Variants in RPTOR observed in about 807,000 individuals in gnomAD.
RPTOR encodes regulatory associated protein of MTOR complex 1, also known as regulatory-associated protein of mTOR.
Under a neutral mutation model 169.9 loss-of-function variants are expected in RPTOR, and 21 were observed. That is an observed-to-expected ratio of 0.12 (90% CI 0.09 to 0.18). The LOEUF (loss-of-function observed/expected upper bound fraction) is 0.18, where lower values mean the gene tolerates loss of function less well. Among genes scored for constraint, RPTOR ranks in the 10% least tolerant of loss-of-function variants. RPTOR has a pLI of 1.00. For synonymous variants in RPTOR, 732 were observed against 753.2 expected, an observed-to-expected ratio of 0.97 and a Z score of 0.46; for missense variants, 1,133 against 1,855.9, an observed-to-expected ratio of 0.61 and a Z score of 7.16.
chr17:80,593,831 A>T (rs1312506793), intron 1 of RPTOR: 1 of 152,210 alleles, frequency 6.6e-6, no homozygotes, highest in African/African-American at 2.4e-5. Context: ...TTTTATTGTT[A>T]ATTTGAAATG....
intron 4 of RPTOR, among the ~76,000 whole-genome samples, chr17:80,709,436 C>A (rs1022430633): frequency 1.3e-5 from 2 of 152,164 alleles, no homozygotes; most frequent in African/African-American, 4.8e-5. Context: ...ACGGCGAATC[C>A]GGGAGATCGC....
intron 3 of RPTOR, among the ~76,000 whole-genome samples, chr17:80,665,425 T>G (rs1361552121): frequency 0.013 from 167 of 13,108 alleles, 18 homozygotes; most frequent in African/African-American, 0.094. Context: ...TTCCTTTCCT[T>G]TCCTTTCCTT....
chr17:80,702,636 A>G (rs1483105547), intron 3 of RPTOR, among the ~76,000 whole-genome samples: 1 of 152,224 alleles, frequency 6.6e-6, no homozygotes, highest in Admixed American at 6.5e-5. Flanking sequence ...GGCGCCTTTC[A>G]TGCTAGTCCA....
At chr17:80,720,809 G>A (rs969048601) in intron 4 of RPTOR, among the ~76,000 whole-genome samples, 2 of 151,592 alleles carry the variant, frequency 1.3e-5, no homozygotes, top group Non-Finnish European at 2.9e-5. Context: ...GGGGCCTGAC[G>A]ATTTGGCTTT....
At chr17:80,736,166 A>G (rs928952060) in intron 5 of RPTOR, among the ~76,000 whole-genome samples, 3 of 150,164 alleles carry the variant, frequency 2.0e-5, no homozygotes, top group African/African-American at 7.3e-5. Flanking sequence ...GTGAGACCCC[A>G]TCTCTTAAAA....
chr17:80,961,321 C>T (rs2069337835), intron 30 of RPTOR, 73 bp from the exon 31 acceptor site: 1 of 1,421,312 alleles, frequency 7.0e-7, no homozygotes, highest in Non-Finnish European at 9.5e-7. Flanking sequence ...CTGGGCAGCT[C>T]CCGGTGAGAG....
At chr17:80,857,380 ATGCCGTCACGGAGAGGTG>A (rs2067864845) in intron 12 of RPTOR, among the ~76,000 whole-genome samples, 2 of 150,712 alleles carry the variant, frequency 1.3e-5, no homozygotes, top group African/African-American at 4.9e-5. Flanking sequence ...AGAGGTGGCC[ATGCCGTCACGGAGAGGTG>A]GCCGTGCCGT....
In RPTOR at chr17:80,965,264, A is replaced by G. The variant is rs572486145; in HGVS notation, c.*934A>G. 9.0e-5 allele frequency: 21 copies of G among 233,366 alleles called. No homozygotes were observed. In the South Asian group the frequency reaches 1.4e-3, roughly 16 times the overall value. The allele number at this position is 233,366 out of a possible 1,614,324, so 14.5% of individuals were successfully genotyped here. A position where few individuals can be genotyped will look rare whatever the true frequency, so the allele number is the denominator to read the frequency against. On this transcript the variant is annotated 3_prime_UTR_variant, in exon 34 of 34. Coordinates refer to ENST00000306801, the MANE Select transcript of RPTOR (RefSeq NM_020761.3). ...GGCACCACGGCCGGCACCTGGGGGC[A>G]CACACATGCAGGCGGCGTGGTCTCC...
At position 80,955,572 on chromosome 17, in the gene RPTOR, A is replaced by G. The variant is rs1439180393; in HGVS notation, c.3371-2052A>G. ...TGACTCTACAGACTTCTTCATGACC[A>G]CAAGAAAAATGTCACGGTTGTAATG... On this transcript the variant is annotated intron_variant, in intron 28 of 33. Transcript: ENST00000306801. 2.6e-5 allele frequency among the ~76,000 whole-genome samples: 4 copies of G among 152,384 alleles called. No individual in the cohort carries two copies. In the South Asian group the frequency reaches 6.2e-4, roughly 24 times the overall value.
At chr17:80,776,860 A>C (rs979074194) in intron 6 of RPTOR, among the ~76,000 whole-genome samples, 3 of 152,188 alleles carry the variant, frequency 2.0e-5, no homozygotes, top group African/African-American at 7.2e-5. Flanking sequence ...CCAGTATTAC[A>C]AGGCCGGAGA....
intron 6 of RPTOR, among the ~76,000 whole-genome samples, chr17:80,765,075 G>GA (rs1214961172): frequency 1.3e-5 from 2 of 152,132 alleles, no homozygotes; most frequent in African/African-American, 4.8e-5. Flanking sequence ...AGAGCCAGGG[G>GA]AAAAATGCAA....
At chr17:80,619,657 G>A (rs866133548) in intron 1 of RPTOR, among the ~76,000 whole-genome samples, 9 of 152,308 alleles carry the variant, frequency 5.9e-5, no homozygotes, top group Middle Eastern at 3.4e-3. Context: ...GGCCTGAGCT[G>A]GGGTGAGACT....
In RPTOR at chr17:80,846,489, C is replaced by G. The variant is rs1384748732; in HGVS notation, c.1229C>G (p.Ala410Gly). The G allele has an allele frequency of 1.9e-6, 3 of 1,614,046 alleles. No homozygotes were observed. The highest frequency in any genetic ancestry group is 1.7e-5 in the Admixed American group (1 of 60,010). The change falls in exon 11 of 34, where the codon GCC becomes GGC. Residue 410 changes from alanine to glycine, a missense_variant. By Grantham distance (60) the Ala-to-Gly change is moderately conservative (BLOSUM62 0). Transcript: ENST00000306801. Reference sequence around the variant, plus strand: ...GCCCCGCAGCACAGCCCGTTCTTCGCCGAGCAGCTGACCGCATTCCAGGTG... The same window carrying G: ...GCCCCGCAGCACAGCCCGTTCTTCGGCGAGCAGCTGACCGCATTCCAGGTG... Reference protein sequence around the residue: ...GTAFRHSPFFAEQLTAFQVWL... With the variant: ...GTAFRHSPFFGEQLTAFQVWL...
intron 24 of RPTOR, among the ~76,000 whole-genome samples, chr17:80,927,244 T>C (rs935786939): frequency 6.6e-6 from 1 of 152,218 alleles, no homozygotes; most frequent in African/African-American, 2.4e-5. Flanking sequence ...TTTAGTCTAA[T>C]GTTAACAAGC....
In RPTOR at chr17:80,962,551, C is replaced by T. The variant is rs1246627945; in HGVS notation, c.3783C>T (p.Ile1261=). The T allele has an allele frequency of 6.2e-7, 1 of 1,613,708 alleles. No individual in the cohort carries two copies. The highest frequency in any genetic ancestry group is 8.5e-7 in the Non-Finnish European group (1 of 1,179,892). Reference sequence around the variant, plus strand: ...TGAAGGGGCTGACGGCCCTGGACATCCACCCCCAGGCGGACCTGATCGCAT... The same window carrying T: ...TGAAGGGGCTGACGGCCCTGGACATTCACCCCCAGGCGGACCTGATCGCAT... ...QIVKGLTALD[I]HPQADLIACG... is the part of the protein sequence containing the mutation. Residue 1261 remains isoleucine, a synonymous_variant, in exon 32 of 34, where the codon ATC becomes ATT. Transcript: ENST00000306801.
chr17:80,588,902 T>G (rs535222014), intron 1 of RPTOR, among the ~76,000 whole-genome samples: 1 of 152,232 alleles, frequency 6.6e-6, no homozygotes, highest in African/African-American at 2.4e-5. Context: ...AACAGAAATA[T>G]GTAGTTCTAT....
intron 1 of RPTOR, among the ~76,000 whole-genome samples, chr17:80,550,744 A>G (rs1291831730): frequency 1.3e-5 from 2 of 152,118 alleles, no homozygotes; most frequent in Non-Finnish European, 2.9e-5. Context: ...CATGTCTTAC[A>G]TTGGCCTGCT....
Position 80,689,018 on chromosome 17 carries a change from T to A in RPTOR, c.349-18823T>A, listed in dbSNP as rs535463062. Among the ~76,000 whole-genome samples the A allele has an allele frequency of 1.5e-4, 23 of 152,354 alleles. No individual in the cohort carries two copies. The East Asian group carries it at 2.7e-3, about 18-fold the overall frequency. ...GTTGCCGTTCTGATAAATTGCAAGA[T>A]AAAACTGAAGTGCAAGGAAGGGGCA... On this transcript the variant is annotated intron_variant, in intron 3 of 33. Transcript: ENST00000306801.
At chr17:80,574,759 G>A (rs1275891978) in intron 1 of RPTOR, among the ~76,000 whole-genome samples, 2 of 151,536 alleles carry the variant, frequency 1.3e-5, no homozygotes, top group African/African-American at 2.4e-5. Flanking sequence ...GAGCTCAAGC[G>A]GTCTTCCCCG....
Sources: allele counts gnomAD v4.1 joint callset (sites outside exome capture counted in the v4.1 genomes callset), GRCh38; gene constraint gnomAD v4.1.1; transcripts MANE v1.5; gene names NCBI Gene and HGNC (gene_info 2026-07-23, HGNC 2026-07-21).